Variants in ARHGAP28 observed in about 807,000 individuals in gnomAD.
ARHGAP28 encodes rho GTPase-activating protein 28.
ARHGAP28 carries 56 observed loss-of-function variants against 90.7 expected under a neutral mutation model. The observed-to-expected ratio is 0.62, with a 90% confidence interval of 0.50 to 0.77. The LOEUF is 0.77. ARHGAP28 is among the 30% of genes least tolerant of loss of function. ARHGAP28 has a pLI of 0.00. For synonymous variants in ARHGAP28, 308 were observed against 323.3 expected, an observed-to-expected ratio of 0.95 and a Z score of 0.51; for missense variants, 869 against 900.9, an observed-to-expected ratio of 0.96 and a Z score of 0.45.
At chr18:6,875,079 A>C (rs1205562149) in intron 9 of ARHGAP28, 1 of 152,252 alleles carries the variant, frequency 6.6e-6, no homozygotes, top group Non-Finnish European at 1.5e-5. Context: ...GACAGAGTTT[A>C]AAATATCAAA....
At chr18:6,781,372 T>G (rs1447930633) in intron 1 of ARHGAP28, among the ~76,000 whole-genome samples, 2 of 152,198 alleles carry the variant, frequency 1.3e-5, no homozygotes, top group Non-Finnish European at 2.9e-5. Context: ...CTGTTCACTC[T>G]GCAGCCCCTG....
intron 2 of ARHGAP28, among the ~76,000 whole-genome samples, chr18:6,827,537 G>A (rs1369134188): frequency 6.9e-6 from 1 of 144,652 alleles, no homozygotes; most frequent in African/African-American, 2.6e-5. Context: ...TGACCGGGCG[G>A]GGGGCTGACC....
At chr18:6,793,383 T>G (rs1382152324) in intron 1 of ARHGAP28, among the ~76,000 whole-genome samples, 2 of 152,220 alleles carry the variant, frequency 1.3e-5, no homozygotes, top group African/African-American at 4.8e-5. Context: ...GCTGTTCTTA[T>G]GTGTACCTCT....
intron 1 of ARHGAP28, among the ~76,000 whole-genome samples, chr18:6,784,590 G>T (rs2056352102): frequency 6.6e-6 from 1 of 152,126 alleles, no homozygotes; most frequent in Admixed American, 6.5e-5. Context: ...CAGATGTTAG[G>T]GATACAAAGA....
chr18:6,743,329 A>T (rs1204812127), intron 1 of ARHGAP28, among the ~76,000 whole-genome samples: 2 of 152,228 alleles, frequency 1.3e-5, no homozygotes, highest in African/African-American at 2.4e-5. Flanking sequence ...GCATTTCTAG[A>T]ACAAGAATAT....
At chr18:6,850,844 T>C (rs1180576267) in intron 3 of ARHGAP28, 190 bp from the exon 4 acceptor site, 2 of 1,522,782 alleles carry the variant, frequency 1.3e-6, no homozygotes, top group Non-Finnish European at 1.7e-6. Context: ...GTACATGGCA[T>C]TTATGAGGAT....
chr18:6,769,975 C>G (rs1441730461), intron 1 of ARHGAP28, among the ~76,000 whole-genome samples: 1 of 152,210 alleles, frequency 6.6e-6, no homozygotes, highest in Admixed American at 6.5e-5. Flanking sequence ...GAATATTTTC[C>G]TTTCAAGGTA....
intron 3 of ARHGAP28, among the ~76,000 whole-genome samples, chr18:6,842,842 T>C (rs2056837738): frequency 6.6e-6 from 1 of 152,128 alleles, no homozygotes; most frequent in Admixed American, 6.5e-5. Flanking sequence ...ATATCCCATA[T>C]ACCCCATAAA....
chr18:6,729,978 C>T, intron 1 of ARHGAP28, 35 bp downstream of exon 1: 3 of 1,319,830 alleles, frequency 2.3e-6, no homozygotes, highest in Non-Finnish European at 2.9e-6. Flanking sequence ...GCGGCGCAGT[C>T]GCGCTGGGCT....
At chr18:6,855,619 A>G (rs1416191332) in intron 4 of ARHGAP28, among the ~76,000 whole-genome samples, 1 of 152,184 alleles carries the variant, frequency 6.6e-6, no homozygotes, top group Non-Finnish European at 1.5e-5. Context: ...TGTAACATAA[A>G]CAGGGCTGAA....
At position 6,730,219 on chromosome 18, in the gene ARHGAP28, GTGTA is replaced by G. The variant is rs1555621915; in HGVS notation, c.122+278_122+281del. 12 of 158,804 alleles carry G rather than the reference GTGTA, an allele frequency of 7.6e-5. 2 individuals carry two copies. The South Asian group carries it at 8.2e-4, about 11-fold the overall frequency. 9.8% of individuals were successfully genotyped at this position (158,804 alleles called of 1,614,324 possible). On this transcript the variant is annotated intron_variant, in intron 1 of 17. Coordinates refer to ENST00000383472, the MANE Select transcript of ARHGAP28 (RefSeq NM_001366230.1). Reference sequence around the variant, plus strand: ...TTGATACGATTTGAGGATAAGTCATGTGTATATATATATATATACCTCATTTCGG... The same window carrying G: ...TTGATACGATTTGAGGATAAGTCATGTATATATATATATACCTCATTTCGG...
intron 2 of ARHGAP28, among the ~76,000 whole-genome samples, chr18:6,833,820 C>G (rs1391447579): frequency 3.3e-5 from 5 of 152,078 alleles, no homozygotes. Flanking sequence ...AAACATCCCA[C>G]TCTACACCAA....
At chr18:6,841,191 C>CTT (rs2056817768) in intron 3 of ARHGAP28, among the ~76,000 whole-genome samples, 2 of 65,942 alleles carry the variant, frequency 3.0e-5, no homozygotes, top group African/African-American at 8.3e-5. Flanking sequence ...CTCTCTCTCT[C>CTT]TCTCTCTCTC....
chr18:6,802,107 T>G (rs1897287), intron 1 of ARHGAP28, among the ~76,000 whole-genome samples: 8,420 of 152,166 alleles, frequency 0.055, 794 homozygotes, highest in African/African-American at 0.19. Context: ...TTTAATGGCT[T>G]AATAATATTC....
At chr18:6,910,255 G>T (rs2057388950) in intron 17 of ARHGAP28, among the ~76,000 whole-genome samples, 1 of 152,160 alleles carries the variant, frequency 6.6e-6, no homozygotes, top group Admixed American at 6.5e-5. Flanking sequence ...TAGCTGCGCT[G>T]CTGGAGACCC....
intron 1 of ARHGAP28, among the ~76,000 whole-genome samples, chr18:6,741,766 T>C (rs1183489146): frequency 2.0e-5 from 3 of 152,200 alleles, no homozygotes; most frequent in Admixed American, 2.0e-4. Context: ...CTTTTGTCTC[T>C]TTTACTCCCC....
rs1172759953 is a variant in ARHGAP28 at position 6,909,248 on chromosome 18, G to GTCTTTTCTTTTCTTT, written c.2095+235_2095+249dup. ...TAATGTTGATATGGAGTAGGCTTGG[G>GTCTTTTCTTTTCTTT]TCTTTTCTTTTCTTTTCTTTTCTTT... On this transcript the variant is annotated intron_variant, in intron 17 of 17. Transcript: ENST00000383472. Among the ~76,000 whole-genome samples, 32 of 121,366 alleles carry GTCTTTTCTTTTCTTT rather than the reference G, an allele frequency of 2.6e-4. 1 individual carries two copies. Among genetic ancestry groups the GTCTTTTCTTTTCTTT allele is most frequent in the African/African-American group, 4.9e-4 (16 of 32,634 alleles). 79.6% of individuals were successfully genotyped at this position (121,366 alleles called of 152,430 possible).
In ARHGAP28 at chr18:6,729,765, T is replaced by G. The variant is rs1025596951; in HGVS notation, c.-57T>G. ...TGCTGACAGCCTCCCGGCGCGCCGG[T>G]CCATGCTGGTCCCGGTCTTTGTTCT... On this transcript the variant is annotated 5_prime_UTR_variant, in exon 1 of 18. Transcript: ENST00000383472. 4.6e-6 allele frequency: 6 copies of G among 1,315,720 alleles called. No homozygotes were observed. The African/African-American group carries it at 9.3e-5, about 20-fold the overall frequency. 81.5% of individuals were successfully genotyped at this position (1,315,720 alleles called of 1,614,324 possible).
chr18:6,895,319 A>G (rs374923536), intron 15 of ARHGAP28, among the ~76,000 whole-genome samples: 199 of 152,112 alleles, frequency 1.3e-3, no homozygotes, highest in African/African-American at 4.6e-3. Context: ...TCCTGCTCTC[A>G]TGGTCCTTGC....
Sources: allele counts gnomAD v4.1 joint callset (sites outside exome capture counted in the v4.1 genomes callset), GRCh38; gene constraint gnomAD v4.1.1; transcripts MANE v1.5; gene names NCBI Gene and HGNC (gene_info 2026-07-23, HGNC 2026-07-21).